GK5: variants seen among roughly 807,000 people sequenced by gnomAD.
The protein encoded by GK5 is ATP:glycerol 3-phosphotransferase 5.
A neutral mutation model predicts 77.3 loss-of-function variants in GK5; 39 were observed. The ratio of observed to expected loss-of-function variants is 0.50; its 90% confidence interval spans 0.39 to 0.66. GK5 has a LOEUF of 0.66. GK5 is among the 30% of genes least tolerant of loss of function. The pLI is 0.00. For synonymous variants in GK5, 211 were observed against 208.0 expected (o/e 1.01, Z -0.13); for missense variants, 487 against 633.8 (o/e 0.77, Z 2.49).
intron 4 of GK5, among the ~76,000 whole-genome samples, chr3:142,200,388 G>C (rs539890445): frequency 1.3e-5 from 2 of 152,124 alleles, no homozygotes; most frequent in East Asian, 3.9e-4. Flanking sequence ...GGCTGGTCTC[G>C]AACTCCTGAC....
intron 3 of GK5, among the ~76,000 whole-genome samples, chr3:142,211,884 T>G (rs1328539940): frequency 6.6e-6 from 1 of 152,162 alleles, no homozygotes; most frequent in Admixed American, 6.5e-5. Context: ...CTCTGAGATA[T>G]CTCCACATTC....
At chr3:142,171,274 A>C in intron 14 of GK5, 145 bp downstream of exon 14, 1 of 677,612 alleles carries the variant, frequency 1.5e-6, no homozygotes, top group Non-Finnish European at 2.2e-6. Context: ...GTTGTGAAGG[A>C]GCTAAGCAGA....
chr3:142,187,620 AAG>A, intron 6 of GK5, 82 bp downstream of exon 6: 3 of 1,018,708 alleles, frequency 2.9e-6, no homozygotes, highest in Non-Finnish European at 2.9e-6. Flanking sequence ...AAAAAAAAAA[AAG>A]TAACTTCTAC....
chr3:142,181,507 G>A lies in GK5; in HGVS notation c.1002C>T (p.Ser334=). 8 of 1,613,578 alleles carry A rather than the reference G, an allele frequency of 5.0e-6. No homozygotes were observed. Among genetic ancestry groups the A allele is most frequent in the Non-Finnish European group, 6.8e-6 (8 of 1,179,746 alleles). The change falls in exon 11 of 16, where the codon AGC becomes AGT. Residue 334 remains serine, a synonymous_variant. Transcript: ENST00000392993. ...TGGCAGTACCAGTGTCTCCTGCATT[G>A]CTTTCAGCTAAGCATACGACTTCTT... The part of the protein sequence containing the change: ...IGQEVVCLAE[S]NAGDTGTAIK...
intron 6 of GK5, among the ~76,000 whole-genome samples, chr3:142,187,264 G>A (rs1354637741): frequency 6.6e-6 from 1 of 151,682 alleles, no homozygotes; most frequent in African/African-American, 2.4e-5. Context: ...GTTGTTAATA[G>A]GGTACCAAAG....
At chr3:142,171,392 A>G (rs546822784) in intron 14 of GK5, 27 bp downstream of exon 14, 2 of 1,454,392 alleles carry the variant, frequency 1.4e-6, no homozygotes, top group South Asian at 2.7e-5. Flanking sequence ...TTTCTAATTA[A>G]GTCTATTAGA....
At chr3:142,223,386 A>T (rs372668212) in intron 1 of GK5, among the ~76,000 whole-genome samples, 1 of 152,266 alleles carries the variant, frequency 6.6e-6, no homozygotes, top group Non-Finnish European at 1.5e-5. Context: ...TAGAAAGGTA[A>T]TGAGTACCCA....
intron 15 of GK5, among the ~76,000 whole-genome samples, chr3:142,169,975 C>G (rs1293135892): frequency 6.6e-6 from 1 of 151,974 alleles, no homozygotes; most frequent in Non-Finnish European, 1.5e-5. Flanking sequence ...ACCTGGCTCA[C>G]CTTATTGTTC....
chr3:142,208,755 C>T (rs1422331268), intron 3 of GK5, among the ~76,000 whole-genome samples: 1 of 152,206 alleles, frequency 6.6e-6, no homozygotes, highest in East Asian at 1.9e-4. Context: ...TGAACAGAGA[C>T]ACACAGCACT....
Position 142,182,916 on chromosome 3 carries a change from T to C in GK5, c.943+7A>G. 2.5e-6 allele frequency: 4 copies of C among 1,597,790 alleles called. No homozygotes were observed. The highest frequency in any genetic ancestry group is 3.4e-6 in the Non-Finnish European group (4 of 1,165,542). Reference sequence around the variant, plus strand: ...ATTAATAAATAGGATAAATCCTAACTACTTACCTCCAGTAGTCTGTTGAAG... The same window carrying C: ...ATTAATAAATAGGATAAATCCTAACCACTTACCTCCAGTAGTCTGTTGAAG... On this transcript the variant is annotated splice_region_variant and intron_variant, in intron 10 of 15. Coordinates refer to ENST00000392993, the MANE Select transcript of GK5 (RefSeq NM_001039547.3).
chr3:142,183,836 C>T (rs879791403), intron 9 of GK5, among the ~76,000 whole-genome samples: 2 of 151,952 alleles, frequency 1.3e-5, no homozygotes, highest in African/African-American at 2.4e-5. Flanking sequence ...TGGCCTAAAG[C>T]GATCCTCTCA....
At chr3:142,177,804 G>A (rs2063637770) in intron 11 of GK5, among the ~76,000 whole-genome samples, 1 of 151,798 alleles carries the variant, frequency 6.6e-6, no homozygotes, top group African/African-American at 2.4e-5. Context: ...GAGACAGGAG[G>A]TAGAAGGCCC....
At chr3:142,178,882 C>T (rs1277019929) in intron 11 of GK5, among the ~76,000 whole-genome samples, 1 of 152,252 alleles carries the variant, frequency 6.6e-6, no homozygotes, top group Admixed American at 6.5e-5. Context: ...TTTAAGGCTC[C>T]TGCCAGCGGC....
intron 7 of GK5, 61 bp downstream of exon 7, chr3:142,186,391 T>G: frequency 9.2e-7 from 1 of 1,091,774 alleles, no homozygotes; most frequent in Non-Finnish European, 1.3e-6. Flanking sequence ...TTTTAAAAAT[T>G]TAAATCTATC....
intron 4 of GK5, among the ~76,000 whole-genome samples, chr3:142,203,469 A>G (rs929653994): frequency 6.6e-6 from 1 of 152,192 alleles, no homozygotes; most frequent in Non-Finnish European, 1.5e-5. Flanking sequence ...GTGAGGCATT[A>G]TAAGTATTAA....
At chr3:142,213,055 C>T (rs559986154) in intron 3 of GK5, among the ~76,000 whole-genome samples, 12 of 151,870 alleles carry the variant, frequency 7.9e-5, no homozygotes, top group East Asian at 3.9e-4. Context: ...AGGATGGTCT[C>T]GATCTCCTGA....
In GK5 at chr3:142,196,272, T is replaced by C. The variant is rs560375849; in HGVS notation, c.543+2530A>G. On this transcript the variant is annotated intron_variant, in intron 5 of 15. Coordinates refer to ENST00000392993, the MANE Select transcript of GK5 (RefSeq NM_001039547.3). ...TCAAAGAAGCAACTTTCGGTTTTAT[T>C]GATTTTCTTCACTGTTTTTCTATTC... is the stretch of plus-strand genomic sequence containing the variant. Among the ~76,000 whole-genome samples the C allele has an allele frequency of 4.6e-5, 7 of 152,222 alleles. No homozygotes were observed. In the South Asian group the frequency reaches 1.5e-3, roughly 32 times the overall value.
At chr3:142,180,968 G>A (rs894095503) in intron 11 of GK5, among the ~76,000 whole-genome samples, 2 of 152,166 alleles carry the variant, frequency 1.3e-5, no homozygotes, top group African/African-American at 4.8e-5. Flanking sequence ...ACCACTGGGT[G>A]GCACAAATGA....
rs1357782469 is a variant in GK5 at position 142,177,585 on chromosome 3, A to G, written c.1049-9T>C. The G allele has an allele frequency of 6.4e-7, 1 of 1,563,890 alleles. No homozygotes were observed. Among genetic ancestry groups the G allele is most frequent in the African/African-American group, 1.4e-5 (1 of 73,090 alleles). Reference sequence around the variant, plus strand: ...AGCATCTGTGAAAAGGTCTGCAAAAACAAACAAACAACAAAAAACCCTAAA... The same window carrying G: ...AGCATCTGTGAAAAGGTCTGCAAAAGCAAACAAACAACAAAAAACCCTAAA... On this transcript the variant is annotated splice_polypyrimidine_tract_variant and intron_variant, in intron 11 of 15. Transcript: ENST00000392993.
Sources: allele counts gnomAD v4.1 joint callset (sites outside exome capture counted in the v4.1 genomes callset), GRCh38; gene constraint gnomAD v4.1.1; transcripts MANE v1.5; gene names NCBI Gene and HGNC (gene_info 2026-07-23, HGNC 2026-07-21).